TAF1A: variants seen among roughly 807,000 people sequenced by gnomAD.
TAF1A encodes the protein TATA box-binding protein-associated factor RNA polymerase I subunit A.
Under a neutral mutation model 61.6 loss-of-function variants are expected in TAF1A, and 42 were observed. The ratio of observed to expected loss-of-function variants is 0.68; its 90% CI spans 0.53 to 0.88. The LOEUF is 0.88. TAF1A is among the 40% of genes least tolerant of loss of function. The pLI is 0.00. For synonymous variants in TAF1A, 179 were observed against 177.7 expected (o/e 1.01, Z -0.06); for missense variants, 424 against 518.7 (o/e 0.82, Z 1.77).
chr1:222,578,253 G>A (rs1660649318), intron 4 of TAF1A, among the ~76,000 whole-genome samples: 1 of 152,192 alleles, frequency 6.6e-6, no homozygotes, highest in Admixed American at 6.5e-5. Context: ...AGACATTAAA[G>A]AGGAGAATAA....
rs763134772 is a variant in TAF1A at position 222,579,846 on chromosome 1, A to T, written c.318T>A (p.Ile106=). ...TGTTGCTTTTGGGATGATAAAATAGAATTTCACTTCCGAGCTTCCAAATAA... is the reference window on the plus strand; with the variant it reads ...TGTTGCTTTTGGGATGATAAAATAGTATTTCACTTCCGAGCTTCCAAATAA... ...PEIIWKLGSE[I]LFYHPKSNME... is the part of the protein sequence containing the mutation. The change falls in exon 4 of 11, where the codon ATT becomes ATA. Residue 106 remains isoleucine, a synonymous_variant. Coordinates refer to ENST00000352967, the MANE Select transcript of TAF1A (RefSeq NM_005681.4). The T allele has an allele frequency of 1.2e-6, 2 of 1,606,902 alleles. No individual in the cohort carries two copies. Among genetic ancestry groups the T allele is most frequent in the Non-Finnish European group, 1.7e-6 (2 of 1,178,232 alleles).
chr1:222,569,183 A>T lies in TAF1A; in HGVS notation c.894+327T>A. Reference sequence around the variant, plus strand: ...GTGGTTCATGAATGTAACGCATCCAAGCACATACTTAAAATAAGTGTGTTT... The same window carrying T: ...GTGGTTCATGAATGTAACGCATCCATGCACATACTTAAAATAAGTGTGTTT... On this transcript the variant is annotated intron_variant, in intron 7 of 10. Transcript: ENST00000352967. 4.0e-6 allele frequency: 4 copies of T among 1,000,638 alleles called. No homozygotes were observed. In the South Asian group the frequency reaches 8.2e-5, roughly 21 times the overall value. 62.0% of individuals were successfully genotyped at this position (1,000,638 alleles called of 1,614,324 possible).
chr1:222,554,487 T>C (rs1659706104), downstream of TAF1A, among the ~76,000 whole-genome samples: 1 of 152,216 alleles, frequency 6.6e-6, no homozygotes, highest in Non-Finnish European at 1.5e-5. Context: ...TCTTGCTTGT[T>C]TCCTTTTGGA....
At chr1:222,557,955 C>T (rs1659769476), downstream of TAF1A, 2 of 149,428 alleles carry the variant, frequency 1.3e-5, no homozygotes, top group Admixed American at 1.3e-4. Flanking sequence ...GCAATCTCGG[C>T]TCACTGCAAC....
chr1:222,563,032 A>C, intron 9 of TAF1A, 141 bp downstream of exon 9: 7 of 830,296 alleles, frequency 8.4e-6, no homozygotes, highest in Non-Finnish European at 1.3e-5. Context: ...GCTTCAGAAG[A>C]AAATGTACTC....
At chr1:222,578,851 C>CA (rs565652809) in intron 4 of TAF1A, among the ~76,000 whole-genome samples, 3 of 151,854 alleles carry the variant, frequency 2.0e-5, no homozygotes, top group African/African-American at 4.8e-5. Context: ...TTATTAACAA[C>CA]AAAAAAAATT....
chr1:222,589,175 T>G (rs1043411846), intron 1 of TAF1A, among the ~76,000 whole-genome samples: 9 of 151,978 alleles, frequency 5.9e-5, no homozygotes, highest in African/African-American at 2.2e-4. Flanking sequence ...CCTAGAAAAA[T>G]CATCATAAGC....
In TAF1A at chr1:222,558,663, G is replaced by A. The variant is rs1322418573; in HGVS notation, c.1350C>T (p.Leu450=). Residue 450 remains leucine (L), a synonymous_variant, in exon 11 of 11, where the codon CTC becomes CTT. Coordinates refer to ENST00000352967, the MANE Select transcript of TAF1A (RefSeq NM_005681.4). ...GTGAAATAACTAAAATTCAGTATCA[G>A]AGTCTTGGATTTACAATACTGTATT... ...VKKYSIVNPR[L] 2.0e-6 allele frequency: 3 copies of A among 1,506,276 alleles called. No individual in the cohort carries two copies. Among genetic ancestry groups the A allele is most frequent in the Non-Finnish European group, 2.7e-6 (3 of 1,111,276 alleles). 93.3% of individuals were successfully genotyped at this position (1,506,276 alleles called of 1,614,324 possible). A position where few individuals can be genotyped will look rare whatever the true frequency, so the allele number is the denominator to read the frequency against.
At chr1:222,573,643 C>A (rs1475140967) in intron 5 of TAF1A, among the ~76,000 whole-genome samples, 1 of 152,100 alleles carries the variant, frequency 6.6e-6, no homozygotes, top group Non-Finnish European at 1.5e-5. Flanking sequence ...CCCTCATACA[C>A]CGCTACTGGG....
intron 5 of TAF1A, among the ~76,000 whole-genome samples, chr1:222,574,585 C>T (rs2102659805): frequency 6.6e-6 from 1 of 152,092 alleles, no homozygotes; most frequent in Admixed American, 6.5e-5. Flanking sequence ...AAAATAGTAA[C>T]CTAAATGGCC....
In TAF1A at chr1:222,564,137, AAC is replaced by A. The variant is rs746815067; in HGVS notation, c.895-14_895-13del. On this transcript the variant is annotated splice_polypyrimidine_tract_variant and intron_variant, in intron 7 of 10. Transcript: ENST00000352967. ...ATCTGATACAAAATCTGAAAGAAAG[AAC>A]AGTCTTGTAATCTTTACATACTTGT... The A allele has an allele frequency of 6.5e-7, 1 of 1,534,366 alleles. No homozygotes were observed. The highest frequency in any genetic ancestry group is 9.0e-7 in the Non-Finnish European group (1 of 1,116,352).
intron 10 of TAF1A, 119 bp from the exon 11 acceptor site, chr1:222,558,891 T>C (rs779637248): frequency 4.2e-6 from 2 of 476,506 alleles, no homozygotes; most frequent in African/African-American, 3.9e-5. Context: ...ATAGATTTAT[T>C]TGTATTATCA....
chr1:222,581,877 T>C (rs1175054676), intron 3 of TAF1A, among the ~76,000 whole-genome samples: 2 of 152,338 alleles, frequency 1.3e-5, no homozygotes, highest in South Asian at 4.1e-4. Flanking sequence ...GTATCCCTTA[T>C]CTGAAATCGT....
intron 4 of TAF1A, 63 bp downstream of exon 4, chr1:222,579,696 C>G: frequency 6.4e-7 from 1 of 1,568,380 alleles, no homozygotes; most frequent in Non-Finnish European, 8.6e-7. Context: ...TTATCACTGA[C>G]ACAAGCAATT....
At chr1:222,582,315 A>G (rs1250185667) in intron 3 of TAF1A, among the ~76,000 whole-genome samples, 1 of 152,228 alleles carries the variant, frequency 6.6e-6, no homozygotes, top group Non-Finnish European at 1.5e-5. Flanking sequence ...TCAGCAGAGG[A>G]GTGACATGAT....
chr1:222,587,167 C>T (rs1289143101), intron 2 of TAF1A, among the ~76,000 whole-genome samples: 2 of 152,106 alleles, frequency 1.3e-5, no homozygotes, highest in Non-Finnish European at 2.9e-5. Flanking sequence ...ATTAATCTAG[C>T]AAAAATAAAA....
intron 3 of TAF1A, among the ~76,000 whole-genome samples, chr1:222,580,757 G>C (rs1431534204): frequency 6.8e-6 from 1 of 146,246 alleles, no homozygotes; most frequent in Non-Finnish European, 1.5e-5. Context: ...AAATGCAGGG[G>C]GGGAAGAAAA....
At chr1:222,577,811 G>A (rs1391382660) in intron 4 of TAF1A, among the ~76,000 whole-genome samples, 168 bp from the exon 5 acceptor site, 8 of 152,142 alleles carry the variant, frequency 5.3e-5, no homozygotes, top group Admixed American at 4.6e-4. Context: ...GTAAGACATA[G>A]GAAACAATTA....
At chr1:222,567,822 G>A (rs1414236419) in intron 7 of TAF1A, among the ~76,000 whole-genome samples, 1 of 152,124 alleles carries the variant, frequency 6.6e-6, no homozygotes, top group African/African-American at 2.4e-5. Context: ...TCCAAGACTT[G>A]CTACAAAGCT....
Sources: gnomAD v4.1 joint callset for allele counts (sites outside exome capture counted in the v4.1 genomes callset) on GRCh38, gnomAD v4.1.1 for gene constraint, MANE v1.5 for transcripts, NCBI Gene and HGNC (gene_info 2026-07-23, HGNC 2026-07-21) for gene names.